Variants in CXCL13 observed in about 807,000 individuals in gnomAD.
CXCL13 encodes C-X-C motif chemokine 13.
A neutral mutation model predicts 12.2 loss-of-function variants in CXCL13; 7 were observed. The observed-to-expected ratio is 0.57, with a 90% CI of 0.33 to 1.07. CXCL13 has a LOEUF of 1.07. Ranked by LOEUF, CXCL13 falls within the 50% of genes least tolerant of loss-of-function variation. CXCL13 has a pLI of 0.04. For synonymous variants in CXCL13, 47 were observed against 42.4 expected (o/e 1.11, Z -0.42); for missense variants, 113 against 127.4 (o/e 0.89, Z 0.55).
chr4:77,541,451 C>A, intron 1 of CXCL13, among the ~76,000 whole-genome samples: 1 of 152,226 alleles, frequency 6.6e-6, no homozygotes, highest in Non-Finnish European at 1.5e-5. Flanking sequence ...TATCCCAGCA[C>A]CATTTATTGA....
intron 1 of CXCL13, among the ~76,000 whole-genome samples, chr4:77,569,474 G>A (rs555024874): frequency 6.6e-6 from 1 of 152,170 alleles, no homozygotes; most frequent in Admixed American, 6.5e-5. Flanking sequence ...TCCAACAACT[G>A]TCAAACCAAA....
intron 1 of CXCL13, among the ~76,000 whole-genome samples, chr4:77,595,748 T>G (rs1457327856): frequency 6.6e-6 from 1 of 152,212 alleles, no homozygotes. Context: ...AAAGCATCAC[T>G]GCTGTCCTGT....
intron 1 of CXCL13, among the ~76,000 whole-genome samples, chr4:77,550,729 T>C (rs898913859): frequency 6.6e-6 from 1 of 152,168 alleles, no homozygotes; most frequent in Non-Finnish European, 1.5e-5. Context: ...AATTCCCCAA[T>C]ATTATTGTGT....
chr4:77,533,253 G>A (rs1373291836), intron 1 of CXCL13, among the ~76,000 whole-genome samples: 1 of 152,218 alleles, frequency 6.6e-6, no homozygotes, highest in Non-Finnish European at 1.5e-5. Context: ...CCTTCTAACA[G>A]TCAGGACCCT....
chr4:77,606,780 A>T (rs1269706516), intron 1 of CXCL13, among the ~76,000 whole-genome samples: 3 of 152,098 alleles, frequency 2.0e-5, no homozygotes. Flanking sequence ...TGTTTCCCCT[A>T]CTAACTTGTA....
chr4:77,567,503 G>A (rs114991846), intron 1 of CXCL13, among the ~76,000 whole-genome samples: 7 of 152,296 alleles, frequency 4.6e-5, no homozygotes, highest in East Asian at 3.9e-4. Flanking sequence ...TTGCCCCTAC[G>A]TGAGGAACTC....
At chr4:77,579,179 C>G (rs931166532) in intron 1 of CXCL13, among the ~76,000 whole-genome samples, 2 of 152,192 alleles carry the variant, frequency 1.3e-5, no homozygotes, top group African/African-American at 2.4e-5. Context: ...TTGGGAAATG[C>G]CCCACTGTCT....
At chr4:77,517,937 G>A (rs575620476) in intron 1 of CXCL13, among the ~76,000 whole-genome samples, 56 of 152,248 alleles carry the variant, frequency 3.7e-4, no homozygotes, top group African/African-American at 9.9e-4. Flanking sequence ...ATTTTGCAGC[G>A]GCTGGTACCG....
At chr4:77,550,446 G>A (rs552733419) in intron 1 of CXCL13, among the ~76,000 whole-genome samples, 10 of 152,272 alleles carry the variant, frequency 6.6e-5, no homozygotes, top group South Asian at 2.1e-4. Context: ...AGCTGTAGAC[G>A]GGAGCTGTAG....
At chr4:77,567,666 T>G (rs1725971457) in intron 1 of CXCL13, among the ~76,000 whole-genome samples, 1 of 152,188 alleles carries the variant, frequency 6.6e-6, no homozygotes, top group Non-Finnish European at 1.5e-5. Context: ...AAAAGTGACC[T>G]CTGGTCATCC....
chr4:77,540,992 T>C (rs1725193384), intron 1 of CXCL13, among the ~76,000 whole-genome samples: 1 of 152,196 alleles, frequency 6.6e-6, no homozygotes, highest in Non-Finnish European at 1.5e-5. Flanking sequence ...TGATTTGCAT[T>C]TCTCTGATGA....
At chr4:77,560,307 C>A (rs1156414949) in intron 1 of CXCL13, among the ~76,000 whole-genome samples, 1 of 152,112 alleles carries the variant, frequency 6.6e-6, no homozygotes, top group Non-Finnish European at 1.5e-5. Flanking sequence ...TGTGTGGAAC[C>A]CAGATCTGAC....
At chr4:77,585,409 G>C (rs1483955279) in intron 1 of CXCL13, among the ~76,000 whole-genome samples, 2 of 152,144 alleles carry the variant, frequency 1.3e-5, no homozygotes, top group Non-Finnish European at 2.9e-5. Flanking sequence ...GATGTCATTG[G>C]CTGCCATTTA....
chr4:77,599,452 C>G (rs945948829), intron 1 of CXCL13, among the ~76,000 whole-genome samples: 2 of 152,128 alleles, frequency 1.3e-5, no homozygotes, highest in Non-Finnish European at 2.9e-5. Context: ...CAGACATGGT[C>G]CTTTTTAAAA....
At chr4:77,548,427 C>T (rs1248322463) in intron 1 of CXCL13, among the ~76,000 whole-genome samples, 1 of 152,192 alleles carries the variant, frequency 6.6e-6, no homozygotes, top group African/African-American at 2.4e-5. Flanking sequence ...TCTATGACAC[C>T]AGAACTTCCC....
chr4:77,570,198 C>G (rs1726035497), intron 1 of CXCL13, among the ~76,000 whole-genome samples: 1 of 152,160 alleles, frequency 6.6e-6, no homozygotes. Context: ...CAATACCATT[C>G]TGGAATGGAC....
intron 1 of CXCL13, among the ~76,000 whole-genome samples, chr4:77,513,559 C>T (rs1034921031): frequency 2.0e-5 from 3 of 151,984 alleles, no homozygotes; most frequent in African/African-American, 7.3e-5. Context: ...TCACAGGATT[C>T]TCCTGCCTCA....
rs545170059 is a variant in CXCL13, at chr4:77,565,112, A to G, written c.-42-40712A>G. Among the ~76,000 whole-genome samples the G allele has an allele frequency of 3.3e-5, 5 of 152,330 alleles. No individual in the cohort carries two copies. The South Asian group carries it at 1.0e-3, about 32-fold the overall frequency. On this transcript the variant is annotated intron_variant, in intron 1 of 4. Transcript: ENST00000286758. ...GTCTTCCACAATGAGAGGGAACTGA[A>G]TGGAGGGGCTCAGGCTCCTGCTTCA...
At chr4:77,573,813 C>T (rs1045026394) in intron 1 of CXCL13, among the ~76,000 whole-genome samples, 3 of 151,826 alleles carry the variant, frequency 2.0e-5, no homozygotes, top group Non-Finnish European at 4.4e-5. Context: ...GGGACTTTTA[C>T]AATTTATTTA....
Sources: gnomAD v4.1 joint callset for allele counts (sites outside exome capture counted in the v4.1 genomes callset) on GRCh38, gnomAD v4.1.1 for gene constraint, MANE v1.5 for transcripts, NCBI Gene and HGNC (gene_info 2026-07-23, HGNC 2026-07-21) for gene names.